Variants in NF1 observed in about 807,000 individuals in gnomAD.
NF1 encodes the protein neurofibromin.
NF1 carries 122 observed loss-of-function variants against 325.7 expected under a neutral mutation model. That is an observed-to-expected ratio of 0.37 (90% confidence interval 0.32 to 0.44). The LOEUF is 0.44. Among genes scored for constraint, NF1 ranks in the 20% least tolerant of loss-of-function variants. The probability of loss-of-function intolerance (pLI) is 1.00; values close to 1 mark genes in which losing one functional copy is unlikely to be tolerated. For missense variants in NF1, 2,140 were observed against 3,415.4 expected (o/e 0.63, Z 9.31); for synonymous variants, 1,091 against 1,186.0 (o/e 0.92, Z 1.65).
Position 31,181,754 on chromosome 17 carries a change from A to G in NF1, c.699A>G (p.Lys233=), listed in dbSNP as rs1597658628. 1.9e-6 allele frequency: 3 copies of G among 1,610,240 alleles called. No homozygotes were observed. Among genetic ancestry groups the G allele is most frequent in the Non-Finnish European group, 2.5e-6 (3 of 1,176,880 alleles). The change falls in exon 7 of 58, where the codon AAA becomes AAG. Residue 233 remains lysine, a synonymous_variant. Coordinates refer to ENST00000358273, the MANE Select transcript of NF1 (RefSeq NM_001042492.3). ...WVENYPDEFT[K]LYQIPQTDMA... is the part of the protein sequence containing the mutation. The stretch of plus-strand genomic sequence containing the variant: ...AAAATTATCCAGATGAATTTACAAA[A>G]CTGTACCAGATCCCACAGACTGATA...
At chr17:31,219,235 G>A (rs2066880641) in intron 14 of NF1, 117 bp downstream of exon 14, 9 of 1,056,514 alleles carry the variant, frequency 8.5e-6, no homozygotes, top group Admixed American at 2.1e-5. Flanking sequence ...TCTGGAAATG[G>A]TATGTTTATG....
Position 31,227,297 on chromosome 17 carries a change from C to T in NF1, c.2325+6C>T, listed in dbSNP as rs1567847979. The T allele has an allele frequency of 6.8e-6, 11 of 1,613,456 alleles. No homozygotes were observed. Among genetic ancestry groups the T allele is most frequent in the Non-Finnish European group, 7.6e-6 (9 of 1,179,480 alleles). ...CCACTGCAGGAAACACTGAGGTATG[C>T]CCTTAGCAACAGAAACACCCCTCCC... On this transcript the variant is annotated splice_donor_region_variant and intron_variant, in intron 19 of 57. Coordinates refer to ENST00000358273, the MANE Select transcript of NF1 (RefSeq NM_001042492.3).
intron 8 of NF1, among the ~76,000 whole-genome samples, chr17:31,191,507 G>T (rs1317422075): frequency 6.6e-6 from 1 of 152,116 alleles, no homozygotes; most frequent in African/African-American, 2.4e-5. Flanking sequence ...TATGCTAAGT[G>T]AAAGAAGCCA....
At chr17:31,340,407 T>G (rs553713925) in intron 46 of NF1, 98 bp from the exon 47 acceptor site, 1 of 1,486,890 alleles carries the variant, frequency 6.7e-7, no homozygotes, top group Non-Finnish European at 9.4e-7. Context: ...CATGGGTAAT[T>G]TAGGAAGATA....
In NF1 at chr17:31,360,537, CTTGA is replaced by C; in HGVS notation, c.8216_8219del (p.Ile2739ThrfsTer17). 1 of 1,614,052 alleles carries C rather than the reference CTTGA, an allele frequency of 6.2e-7. No individual in the cohort carries two copies. Among genetic ancestry groups the C allele is most frequent in the Non-Finnish European group, 8.5e-7 (1 of 1,179,996 alleles). On this transcript the variant is annotated frameshift_variant, in exon 57 of 58. Transcript: ENST00000358273. LOFTEE classifies it high-confidence loss of function. Reference sequence around the variant, plus strand: ...AGCTTATTGTTAAGTTTCTTGATGCCTTGATTGACACGTACCTGCCTGGAATTGA... The same window carrying C: ...AGCTTATTGTTAAGTTTCTTGATGCCTTGACACGTACCTGCCTGGAATTGA...
Position 31,375,187 on chromosome 17 carries a change from T to C in NF1, c.*1032T>C, listed in dbSNP as rs2070714562. 1 of 223,308 alleles carries C rather than the reference T, an allele frequency of 4.5e-6. No individual in the cohort carries two copies. The highest frequency in any genetic ancestry group is 9.0e-6 in the Non-Finnish European group (1 of 111,504). The allele number at this position is 223,308 out of a possible 1,614,324, so 13.8% of individuals were successfully genotyped here. On this transcript the variant is annotated 3_prime_UTR_variant, in exon 58 of 58. Coordinates refer to ENST00000358273, the MANE Select transcript of NF1 (RefSeq NM_001042492.3). Reference sequence around the variant, plus strand: ...GTGACATTTAGGGTAGCTGATATTTTTATTTTGTTAAATAATTTCCAAGAA... The same window carrying C: ...GTGACATTTAGGGTAGCTGATATTTCTATTTTGTTAAATAATTTCCAAGAA...
chr17:31,100,717 A>G (rs34494243), intron 1 of NF1, among the ~76,000 whole-genome samples: 5,065 of 152,078 alleles, frequency 0.033, 113 homozygotes, highest in South Asian at 0.084. Context: ...CTACAGGCGC[A>G]TGCCACCACG....
intron 14 of NF1, 102 bp from the exon 15 acceptor site, chr17:31,221,748 C>T: frequency 1.1e-5 from 9 of 803,860 alleles, no homozygotes; most frequent in Non-Finnish European, 1.9e-5. Flanking sequence ...AATGAAAGAG[C>T]TCAATTTCTT....
chr17:31,108,278 T>A (rs947795854), intron 1 of NF1, among the ~76,000 whole-genome samples: 4 of 139,508 alleles, frequency 2.9e-5, no homozygotes, highest in Non-Finnish European at 6.2e-5. Flanking sequence ...TTTTTTTTTT[T>A]TTTTTTTTTT....
At chr17:31,277,390 G>A (rs1221602632) in intron 36 of NF1, among the ~76,000 whole-genome samples, 1 of 152,106 alleles carries the variant, frequency 6.6e-6, no homozygotes, top group Non-Finnish European at 1.5e-5. Context: ...GCCAGAAGAT[G>A]GTAAAACCAT....
chr17:31,261,550 A>G (rs2067686365), intron 34 of NF1, among the ~76,000 whole-genome samples, 161 bp from the exon 35 acceptor site: 1 of 152,184 alleles, frequency 6.6e-6, no homozygotes, highest in Non-Finnish European at 1.5e-5. Context: ...ATCTTTTATG[A>G]ATTATTAATG....
chr17:31,336,047 A>G lies in NF1; in HGVS notation c.6007-286A>G, dbSNP rs17886203. ...TGCTACATTACTGTCTTAGAAAAGCATAGAGATACTTTGCAAGTGACTGAA... is the reference window on the plus strand; with the variant it reads ...TGCTACATTACTGTCTTAGAAAAGCGTAGAGATACTTTGCAAGTGACTGAA... On this transcript the variant is annotated intron_variant, in intron 40 of 57. Transcript: ENST00000358273. The surrounding 1 kb of genome is among the most constrained non-coding windows in gnomAD (Gnocchi z 5.5). 9.0e-3 allele frequency among the ~76,000 whole-genome samples: 1,377 copies of G among 152,210 alleles called. 21 individuals are homozygous for G. The highest frequency in any genetic ancestry group is 0.032 in the African/African-American group (1,317 of 41,552).
chr17:31,337,687 T>C, intron 43 of NF1, 105 bp downstream of exon 43: 3 of 1,409,000 alleles, frequency 2.1e-6, no homozygotes. Flanking sequence ...TTGTACTTAA[T>C]GCTTAAATAA....
At chr17:31,181,089 A>G (rs940522415) in intron 5 of NF1, among the ~76,000 whole-genome samples, 1 of 152,228 alleles carries the variant, frequency 6.6e-6, no homozygotes, top group Non-Finnish European at 1.5e-5. Context: ...GCTCTAGGAA[A>G]TAAGAGAGGA....
At chr17:31,221,715 T>C in intron 14 of NF1, 135 bp from the exon 15 acceptor site, 1 of 670,506 alleles carries the variant, frequency 1.5e-6, no homozygotes. Context: ...TCTTTTTACC[T>C]TTTACTATAT....
chr17:31,190,287 G>C (rs2066320710), intron 8 of NF1, among the ~76,000 whole-genome samples: 2 of 151,816 alleles, frequency 1.3e-5, no homozygotes, highest in African/African-American at 4.8e-5. Flanking sequence ...AAATAAAATA[G>C]TATTCTCACC....
Position 31,225,189 on chromosome 17 carries a change from A to G in NF1, c.1940A>G (p.His647Arg), listed in dbSNP as rs1170252879. The change falls in exon 17 of 58, where the codon CAT (histidine) becomes CGT (arginine). Residue 647 changes from histidine to arginine, a missense_variant. Physicochemically the swap from His to Arg is conservative, Grantham distance 29. Around this residue, in one of 10 missense-constraint regions of NF1, gnomAD observed 45 missense variants for 42.5 expected, o/e 1.06. Coordinates refer to ENST00000358273, the MANE Select transcript of NF1 (RefSeq NM_001042492.3). Reference protein sequence around the residue: ...SGNTSQMSMDHEELLRTPGAS... With the variant: ...SGNTSQMSMDREELLRTPGAS... ...AATACCAGTCAAATGTCCATGGATC[A>G]TGAAGAATTACTACGTACTCCTGGA... is the stretch of plus-strand genomic sequence containing the variant. 1 of 1,613,886 alleles carries G rather than the reference A, an allele frequency of 6.2e-7. No homozygotes were observed. Among genetic ancestry groups the G allele is most frequent in the East Asian group, 2.2e-5 (1 of 44,860 alleles).
chr17:31,293,084 G>A (rs1238589995), intron 36 of NF1, among the ~76,000 whole-genome samples: 3 of 147,382 alleles, frequency 2.0e-5, no homozygotes, highest in Non-Finnish European at 3.0e-5. Flanking sequence ...AGGCTGAGGT[G>A]AGAGAATTGC....
Position 31,110,714 on chromosome 17 carries a change from C to T in NF1, c.60+15345C>T, listed in dbSNP as rs781144017. Among the ~76,000 whole-genome samples the T allele has an allele frequency of 1.0e-3, 155 of 151,912 alleles. 1 individual carries two copies. Among genetic ancestry groups the T allele is most frequent in the Admixed American group, 2.3e-3 (35 of 15,266 alleles). On this transcript the variant is annotated intron_variant, in intron 1 of 57. Transcript: ENST00000358273. ...ATACTTAAGAAAATAAAGGAAAATA[C>T]GGAGAAAATGGATGAAAATTTTCAT...
Sources: gnomAD v4.1 joint callset for allele counts (sites outside exome capture counted in the v4.1 genomes callset) on GRCh38, gnomAD v4.1.1 for gene constraint, gnomAD v4.1.1 regional missense constraint, Gnocchi (gnomAD v3.1) non-coding constraint, MANE v1.5 for transcripts, NCBI Gene and HGNC (gene_info 2026-07-23, HGNC 2026-07-21) for gene names.